The following EIF4G3 variants were observed in gnomAD, a reference collection of about 807,000 sequenced individuals.
EIF4G3 encodes eIF-4-gamma 3.
In EIF4G3, 34 loss-of-function variants were observed where a neutral mutation model predicts 186.4. The observed-to-expected ratio is 0.18, with a 90% CI of 0.14 to 0.24. The LOEUF (loss-of-function observed/expected upper bound fraction) is 0.24, where lower values mean the gene tolerates loss of function less well. Ranked by LOEUF, EIF4G3 falls within the 10% of genes least tolerant of loss-of-function variation. EIF4G3 has a pLI of 1.00. For missense variants in EIF4G3, 1,536 were observed against 1,948.5 expected, an observed-to-expected ratio of 0.79 and a Z score of 3.99; for synonymous variants, 673 against 679.5, an observed-to-expected ratio of 0.99 and a Z score of 0.15.
intron 4 of EIF4G3, among the ~76,000 whole-genome samples, chr1:21,026,810 A>C (rs1440007572): frequency 6.6e-6 from 1 of 151,920 alleles, no homozygotes; most frequent in Non-Finnish European, 1.5e-5. Flanking sequence ...ATGAGCCAGG[A>C]ATGGCAATCC....
rs2154546919 is a variant in EIF4G3, at chr1:20,825,563, C to T, written c.4270-365G>A. Among the ~76,000 whole-genome samples the T allele has an allele frequency of 1.3e-5, 2 of 152,272 alleles. 1 individual carries two copies. Among genetic ancestry groups the T allele is most frequent in the South Asian group, 4.1e-4 (2 of 4,830 alleles). On this transcript the variant is annotated intron_variant, in intron 32 of 36. Coordinates refer to ENST00000602326, the MANE Select transcript of EIF4G3 (RefSeq NM_001391906.1). ...ATGGTGAATAATTGAAGTACAGCTG[C>T]TTAAGATTAAATAATTGATTTATGA...
intron 29 of EIF4G3, among the ~76,000 whole-genome samples, chr1:20,847,223 C>G (rs1461195828): frequency 6.6e-6 from 1 of 152,192 alleles, no homozygotes; most frequent in Non-Finnish European, 1.5e-5. Context: ...GAGGACAATA[C>G]AAACTAATAC....
intron 20 of EIF4G3, among the ~76,000 whole-genome samples, chr1:20,870,302 T>C (rs1009881815): frequency 1.3e-5 from 2 of 152,212 alleles, no homozygotes; most frequent in Non-Finnish European, 1.5e-5. Flanking sequence ...GTGGCAATAC[T>C]ACAAGCTCTG....
intron 4 of EIF4G3, among the ~76,000 whole-genome samples, chr1:21,023,280 A>T (rs1190481550): frequency 2.1e-5 from 1 of 46,704 alleles, no homozygotes; most frequent in Non-Finnish European, 4.0e-5. Flanking sequence ...CCCTCTCCCC[A>T]CGGTCTCCCT....
At chr1:21,096,677 T>C (rs369647198) in intron 2 of EIF4G3, among the ~76,000 whole-genome samples, 7 of 152,194 alleles carry the variant, frequency 4.6e-5, no homozygotes, top group Admixed American at 1.3e-4. Flanking sequence ...GGGATAATAA[T>C]AGGTGAGCTA....
rs190334585 is a variant in EIF4G3, at chr1:20,987,075, G to A, written c.178-4667C>T. 1.6e-3 allele frequency among the ~76,000 whole-genome samples: 248 copies of A among 152,262 alleles called. 1 individual carries two copies. Among genetic ancestry groups the A allele is most frequent in the African/African-American group, 5.1e-3 (210 of 41,556 alleles). ...TTTCCCAGAAACACTCTAGAAGCCA[G>A]AATAAAAAATGTTTCCTCTCGAAAA... On this transcript the variant is annotated intron_variant, in intron 7 of 36. Transcript: ENST00000602326.
At chr1:21,007,087 A>C (rs1401608297) in intron 4 of EIF4G3, among the ~76,000 whole-genome samples, 1 of 152,124 alleles carries the variant, frequency 6.6e-6, no homozygotes, top group Non-Finnish European at 1.5e-5. Flanking sequence ...TAAAAAACTA[A>C]GCTGCCAAAT....
At chr1:21,117,964 A>G (rs1048829815) in intron 2 of EIF4G3, among the ~76,000 whole-genome samples, 3 of 152,088 alleles carry the variant, frequency 2.0e-5, no homozygotes. Flanking sequence ...CTCTTAAACC[A>G]AATTCCAGGA....
chr1:20,960,582 T>C (rs2096549103), intron 12 of EIF4G3, among the ~76,000 whole-genome samples: 1 of 151,680 alleles, frequency 6.6e-6, no homozygotes, highest in Non-Finnish European at 1.5e-5. Flanking sequence ...CGAGACCTCA[T>C]CTTTACTGAA....
chr1:20,884,982 A>G (rs904790810), intron 19 of EIF4G3, among the ~76,000 whole-genome samples: 2 of 152,138 alleles, frequency 1.3e-5, no homozygotes, highest in African/African-American at 2.4e-5. Flanking sequence ...ACCTCAGATC[A>G]TCAGGTATTA....
intron 2 of EIF4G3, among the ~76,000 whole-genome samples, chr1:21,166,325 G>C (rs972529352): frequency 6.6e-6 from 1 of 151,538 alleles, no homozygotes; most frequent in Non-Finnish European, 1.5e-5. Flanking sequence ...AGTTACACAA[G>C]AGGCTGAGGC....
chr1:21,038,428 C>T (rs1390413627), intron 4 of EIF4G3, among the ~76,000 whole-genome samples: 1 of 152,176 alleles, frequency 6.6e-6, no homozygotes, highest in Non-Finnish European at 1.5e-5. Flanking sequence ...CCTCTCTGGA[C>T]CTACTACTGA....
Position 21,144,174 on chromosome 1 carries a change from C to G in EIF4G3, c.-272+32001G>C, listed in dbSNP as rs149765200. On this transcript the variant is annotated intron_variant, in intron 2 of 36. Transcript: ENST00000602326. ...CAAATAGAGCTCCAAAAATTAATTC[C>G]AAGTATCTATGGGTAATCTTTGGGA... Among the ~76,000 whole-genome samples, 186 of 152,250 alleles carry G rather than the reference C, an allele frequency of 1.2e-3. 2 individuals carry two copies. The East Asian group carries it at 0.025, about 21-fold the overall frequency.
At chr1:20,884,935 G>A (rs1011240072) in intron 19 of EIF4G3, among the ~76,000 whole-genome samples, 1 of 152,140 alleles carries the variant, frequency 6.6e-6, no homozygotes, top group African/African-American at 2.4e-5. Flanking sequence ...GGGTTGAGCG[G>A]GGAAGAGGAA....
chr1:21,005,703 C>T (rs918368583), intron 4 of EIF4G3, among the ~76,000 whole-genome samples: 21 of 152,162 alleles, frequency 1.4e-4, no homozygotes, highest in African/African-American at 5.1e-4. Context: ...TCAGAAAGAA[C>T]ACCCTTCCTG....
At chr1:20,835,400 T>C (rs891191166) in intron 30 of EIF4G3, among the ~76,000 whole-genome samples, 4 of 151,488 alleles carry the variant, frequency 2.6e-5, no homozygotes, top group African/African-American at 4.9e-5. Flanking sequence ...ATAAATGAAA[T>C]AGACACTTAA....
At chr1:20,892,655 C>G in intron 18 of EIF4G3, 1 of 1,536,088 alleles carries the variant, frequency 6.5e-7, no homozygotes, top group Non-Finnish European at 8.7e-7. Flanking sequence ...GGTGTGACAT[C>G]ACCAGTGGAG....
chr1:21,160,540 T>C (rs1284381417), intron 2 of EIF4G3, among the ~76,000 whole-genome samples: 1 of 152,142 alleles, frequency 6.6e-6, no homozygotes, highest in East Asian at 1.9e-4. Context: ...ACCAGCAAGA[T>C]GCCAACTTAA....
At chr1:20,868,197 T>A (rs1468601933) in intron 20 of EIF4G3, among the ~76,000 whole-genome samples, 5 of 146,868 alleles carry the variant, frequency 3.4e-5, no homozygotes, top group Non-Finnish European at 7.4e-5. Context: ...CTGAGATTGG[T>A]TAGTTGGAAC....
Sources: allele counts gnomAD v4.1 joint callset (sites outside exome capture counted in the v4.1 genomes callset), GRCh38; gene constraint gnomAD v4.1.1; transcripts MANE v1.5; gene names NCBI Gene and HGNC (gene_info 2026-07-23, HGNC 2026-07-21).